Variants in ARHGAP15 observed in about 807,000 individuals in gnomAD.
ARHGAP15 encodes rho GTPase-activating protein 15.
ARHGAP15 carries 51 observed loss-of-function variants against 63.7 expected under a neutral mutation model. That is an observed-to-expected ratio of 0.80 (90% CI 0.64 to 1.01). ARHGAP15 has a LOEUF of 1.01. Ranked by LOEUF, ARHGAP15 falls within the 50% of genes least tolerant of loss-of-function variation. The pLI, the probability that ARHGAP15 is intolerant of heterozygous loss-of-function variation, is 0.00. For synonymous variants in ARHGAP15, 191 were observed against 193.8 expected, an observed-to-expected ratio of 0.99 and a Z score of 0.12; for missense variants, 560 against 564.6, an observed-to-expected ratio of 0.99 and a Z score of 0.08.
chr2:143,192,781 C>A (rs554341926), intron 2 of ARHGAP15, among the ~76,000 whole-genome samples: 4 of 152,148 alleles, frequency 2.6e-5, no homozygotes, highest in Non-Finnish European at 5.9e-5. Flanking sequence ...GTTCTTTTTG[C>A]CTGATTTATT....
intron 6 of ARHGAP15, among the ~76,000 whole-genome samples, chr2:143,321,845 C>T (rs1292236758): frequency 6.6e-6 from 1 of 152,196 alleles, no homozygotes; most frequent in African/African-American, 2.4e-5. Context: ...ACCGGGTACA[C>T]ACCCTGCTAC....
At chr2:143,337,773 T>C (rs566254225) in intron 6 of ARHGAP15, among the ~76,000 whole-genome samples, 2 of 152,280 alleles carry the variant, frequency 1.3e-5, no homozygotes, top group South Asian at 4.1e-4. Context: ...GCTTATTCGA[T>C]AGCAAAATCC....
chr2:143,208,745 T>C (rs1359305299), intron 3 of ARHGAP15, among the ~76,000 whole-genome samples: 1 of 152,166 alleles, frequency 6.6e-6, no homozygotes, highest in African/African-American at 2.4e-5. Context: ...GACCTAATTA[T>C]TTTCAGGGTA....
intron 12 of ARHGAP15, among the ~76,000 whole-genome samples, chr2:143,659,025 G>A (rs2105317291): frequency 6.6e-6 from 1 of 152,264 alleles, no homozygotes; most frequent in African/African-American, 2.4e-5. Flanking sequence ...CCAACTCACT[G>A]ACTACCTATC....
intron 6 of ARHGAP15, among the ~76,000 whole-genome samples, chr2:143,301,630 G>T (rs1189925359): frequency 6.6e-6 from 1 of 151,850 alleles, no homozygotes; most frequent in African/African-American, 2.4e-5. Context: ...TGCTAATATA[G>T]CACCATTTCT....
At chr2:143,328,439 G>T (rs367783527) in intron 6 of ARHGAP15, among the ~76,000 whole-genome samples, 1 of 152,096 alleles carries the variant, frequency 6.6e-6, no homozygotes, top group African/African-American at 2.4e-5. Context: ...CCTCTGCAGG[G>T]ACATGGATGA....
intron 12 of ARHGAP15, among the ~76,000 whole-genome samples, chr2:143,636,421 G>A (rs2105263593): frequency 6.6e-6 from 1 of 152,216 alleles, no homozygotes; most frequent in South Asian, 2.1e-4. Context: ...AAAGTCGTCA[G>A]GAAAAGAAGA....
chr2:143,439,830 T>A (rs1298059548), intron 8 of ARHGAP15, among the ~76,000 whole-genome samples: 1 of 152,104 alleles, frequency 6.6e-6, no homozygotes, highest in Non-Finnish European at 1.5e-5. Flanking sequence ...GAACTTAGAC[T>A]TGGATAGAAA....
chr2:143,594,677 A>G (rs982958314), intron 11 of ARHGAP15, among the ~76,000 whole-genome samples: 4 of 152,182 alleles, frequency 2.6e-5, no homozygotes, highest in South Asian at 2.1e-4. Context: ...AAAATAGGGG[A>G]AAAATTATCA....
At chr2:143,368,810 A>C (rs1366324707) in intron 6 of ARHGAP15, among the ~76,000 whole-genome samples, 2 of 152,078 alleles carry the variant, frequency 1.3e-5, no homozygotes, top group African/African-American at 4.8e-5. Context: ...CAATTAGAAA[A>C]ATAGAGCTGT....
intron 6 of ARHGAP15, among the ~76,000 whole-genome samples, chr2:143,252,517 T>G (rs1255025108): frequency 2.0e-5 from 3 of 152,078 alleles, no homozygotes; most frequent in African/African-American, 7.2e-5. Flanking sequence ...GGGGCCTCAG[T>G]CTTCTTACAG....
At chr2:143,138,813 G>A (rs776169661) in intron 1 of ARHGAP15, among the ~76,000 whole-genome samples, 13 of 151,994 alleles carry the variant, frequency 8.6e-5, no homozygotes, top group Non-Finnish European at 1.5e-4. Context: ...TACAAATAAC[G>A]AAAATGTAAA....
intron 1 of ARHGAP15, among the ~76,000 whole-genome samples, chr2:143,151,702 G>A (rs1371957899): frequency 6.6e-6 from 1 of 151,944 alleles, no homozygotes; most frequent in Non-Finnish European, 1.5e-5. Flanking sequence ...ATTATAGGGT[G>A]TCTACTAGAG....
intron 12 of ARHGAP15, among the ~76,000 whole-genome samples, chr2:143,660,392 T>C (rs1169774567): frequency 1.3e-5 from 2 of 152,214 alleles, no homozygotes; most frequent in Admixed American, 1.3e-4. Context: ...CAACGTTCCA[T>C]AGTTTTTGGC....
At chr2:143,449,511 G>A (rs1690297913) in intron 8 of ARHGAP15, among the ~76,000 whole-genome samples, 1 of 151,744 alleles carries the variant, frequency 6.6e-6, no homozygotes, top group African/African-American at 2.4e-5. Flanking sequence ...ATTTCCCATT[G>A]GCCTTTCAGG....
At chr2:143,679,723 G>A (rs1010391665) in intron 12 of ARHGAP15, among the ~76,000 whole-genome samples, 12 of 151,916 alleles carry the variant, frequency 7.9e-5, no homozygotes, top group South Asian at 4.2e-4. Flanking sequence ...AGGTGGAACC[G>A]TGGTTCCTGT....
intron 6 of ARHGAP15, among the ~76,000 whole-genome samples, chr2:143,375,341 A>G (rs1174741966): frequency 1.3e-5 from 2 of 152,162 alleles, no homozygotes; most frequent in Non-Finnish European, 2.9e-5. Flanking sequence ...TCCCTAGAGC[A>G]CTATTAAATG....
chr2:143,341,417 T>C (rs1685052490), intron 6 of ARHGAP15, among the ~76,000 whole-genome samples: 1 of 152,178 alleles, frequency 6.6e-6, no homozygotes, highest in African/African-American at 2.4e-5. Flanking sequence ...TTTCTGGCAA[T>C]GTGTGAGGTT....
chr2:143,202,688 C>G (rs939016134), intron 3 of ARHGAP15, among the ~76,000 whole-genome samples: 2 of 151,950 alleles, frequency 1.3e-5, no homozygotes, highest in Non-Finnish European at 2.9e-5. Flanking sequence ...CTAGTTCACA[C>G]AAGGGGAGAG....
Sources: gnomAD v4.1 joint callset for allele counts (sites outside exome capture counted in the v4.1 genomes callset) on GRCh38, gnomAD v4.1.1 for gene constraint, MANE v1.5 for transcripts, NCBI Gene and HGNC (gene_info 2026-07-23, HGNC 2026-07-21) for gene names.